The following IL27RA variants were observed in gnomAD, a reference collection of about 807,000 sequenced individuals.
IL27RA encodes the protein interleukin 27 receptor subunit alpha, also known as interleukin-27 receptor subunit alpha.
IL27RA carries 61 observed loss-of-function variants against 80.8 expected under a neutral mutation model. That is an observed-to-expected ratio of 0.76 (90% CI 0.61 to 0.93). The LOEUF (loss-of-function observed/expected upper bound fraction) is 0.93, where lower values mean the gene tolerates loss of function less well. Ranked by LOEUF, IL27RA falls within the 40% of genes least tolerant of loss-of-function variation. The pLI is 0.00. For missense variants in IL27RA, 735 were observed against 808.1 expected, an observed-to-expected ratio of 0.91 and a Z score of 1.10; for synonymous variants, 316 against 332.5, an observed-to-expected ratio of 0.95 and a Z score of 0.54.
chr19:14,033,822 G>A (rs532611423), intron 2 of IL27RA, among the ~76,000 whole-genome samples: 2 of 151,930 alleles, frequency 1.3e-5, no homozygotes, highest in Middle Eastern at 3.2e-3. Context: ...AAGATTAGCC[G>A]ATGTGGTGGT....
intron 6 of IL27RA, among the ~76,000 whole-genome samples, chr19:14,045,249 C>T (rs1396111535): frequency 6.7e-6 from 1 of 148,874 alleles, no homozygotes; most frequent in East Asian, 2.0e-4. Context: ...ATTGCACCAC[C>T]GCACTTCAGC....
Position 14,032,522 on chromosome 19 carries a change from C to A in IL27RA, c.218+19C>A. On this transcript the variant is annotated intron_variant, in intron 2 of 13. Coordinates refer to ENST00000263379, the MANE Select transcript of IL27RA (RefSeq NM_004843.4). ...AAAAGTAGTGAGTACAGGGAGGTGA[C>A]GTGGGGAAACAGGCTTTGGAGGTGG... 1 of 1,540,326 alleles carries A rather than the reference C, an allele frequency of 6.5e-7. No individual in the cohort carries two copies. The highest frequency in any genetic ancestry group is 9.0e-7 in the Non-Finnish European group (1 of 1,117,178).
rs1568504646 is a variant in IL27RA, at chr19:14,051,877, CA to C, written c.1623-2del. The C allele has an allele frequency of 6.3e-7, 1 of 1,576,020 alleles. No individual in the cohort carries two copies. The highest frequency in any genetic ancestry group is 1.1e-5 in the South Asian group (1 of 86,988). Reference sequence around the variant, plus strand: ...GCTGCCCTGACTACTCCTGTCTTGCCAGGTGCTACCACCTAAGGCACAAAGT... The same window carrying C: ...GCTGCCCTGACTACTCCTGTCTTGCCGGTGCTACCACCTAAGGCACAAAGT... On this transcript the variant is annotated splice_acceptor_variant, in intron 12 of 13. Coordinates refer to ENST00000263379, the MANE Select transcript of IL27RA (RefSeq NM_004843.4). LOFTEE classifies it high-confidence loss of function.
At chr19:14,039,106 G>A (rs972529531) in intron 2 of IL27RA, among the ~76,000 whole-genome samples, 1 of 151,880 alleles carries the variant, frequency 6.6e-6, no homozygotes, top group African/African-American at 2.4e-5. Flanking sequence ...CCAACATGGT[G>A]AAACCCCATC....
At chr19:14,032,549 C>T (rs770565892) in intron 2 of IL27RA, 46 bp downstream of exon 2, 7 of 1,269,274 alleles carry the variant, frequency 5.5e-6, no homozygotes, top group South Asian at 2.4e-5. Flanking sequence ...TGGAGGTGGC[C>T]GCTCAGGCCC....
At chr19:14,034,683 G>T (rs1975872203) in intron 2 of IL27RA, among the ~76,000 whole-genome samples, 1 of 145,780 alleles carries the variant, frequency 6.9e-6, no homozygotes, top group Non-Finnish European at 1.5e-5. Context: ...GCCGGGCGCG[G>T]TGGCTCAAGC....
intron 2 of IL27RA, among the ~76,000 whole-genome samples, chr19:14,035,693 CG>C (rs1028956211): frequency 4.5e-4 from 68 of 151,712 alleles, no homozygotes; most frequent in Non-Finnish European, 2.2e-4. Context: ...CTGAGCCTGG[CG>C]GGGGGCCTAG....
At chr19:14,045,526 G>A (rs1026808691) in intron 6 of IL27RA, among the ~76,000 whole-genome samples, 6 of 150,760 alleles carry the variant, frequency 4.0e-5, no homozygotes, top group Middle Eastern at 3.5e-3. Flanking sequence ...GCGTGAACCC[G>A]GGAGGCAGAG....
chr19:14,048,866 TAC>T (rs1976110733), intron 8 of IL27RA, 113 bp from the exon 9 acceptor site: 1 of 891,518 alleles, frequency 1.1e-6, no homozygotes, highest in Non-Finnish European at 1.8e-6. Context: ...ATAAATGACT[TAC>T]AGTCAGATCC....
rs533109463 is a variant in IL27RA, at chr19:14,052,197, C to T, written c.1818C>T (p.Thr606=). 1.3e-4 allele frequency: 208 copies of T among 1,608,594 alleles called. 2 individuals carry two copies. In the South Asian group the frequency reaches 2.1e-3, roughly 16 times the overall value. The part of the protein sequence containing the change: ...VMESSQPAQA[T]APLDSGYEKH... ...AGTCCTCCCAGCCCGCCCAGGCCAC[C>T]GCCCCGCTTGACTCTGGGTATGAGA... Residue 606 remains threonine, a synonymous_variant, in exon 14 of 14, where the codon ACC becomes ACT. Coordinates refer to ENST00000263379, the MANE Select transcript of IL27RA (RefSeq NM_004843.4).
chr19:14,040,392 A>T (rs894311286), intron 4 of IL27RA, among the ~76,000 whole-genome samples: 1 of 151,142 alleles, frequency 6.6e-6, no homozygotes, highest in Admixed American at 6.6e-5. Context: ...CTCCTGCCAA[A>T]ATAATCTATC....
intron 1 of IL27RA, 152 bp from the exon 2 acceptor site, chr19:14,032,234 G>A: frequency 1.4e-6 from 1 of 725,096 alleles, no homozygotes; most frequent in South Asian, 1.7e-5. Flanking sequence ...TTTGCACGGA[G>A]CCCGGGCAGG....
At chr19:14,047,656 CCT>C (rs1491091416) in intron 8 of IL27RA, among the ~76,000 whole-genome samples, 5 of 133,504 alleles carry the variant, frequency 3.7e-5, no homozygotes, top group African/African-American at 1.5e-4. Context: ...CATGCCTGGC[CCT>C]TTTTTTTTTT....
At position 14,039,671 on chromosome 19, in the gene IL27RA, G is replaced by A. The variant is rs770102258; in HGVS notation, c.376+6G>A. 5 of 1,612,642 alleles carry A rather than the reference G, an allele frequency of 3.1e-6. No homozygotes were observed. The highest frequency in any genetic ancestry group is 2.2e-5 in the East Asian group (1 of 44,848). On this transcript the variant is annotated splice_donor_region_variant and intron_variant, in intron 3 of 13. Transcript: ENST00000263379. ...CGTGAACCTAGAAACCCAAAGTAAC[G>A]TGGCAGGAGGGTGGGCGCTCTATGC...
At position 14,052,418 on chromosome 19, in the gene IL27RA, T is replaced by A; in HGVS notation, c.*128T>A. On this transcript the variant is annotated 3_prime_UTR_variant, in exon 14 of 14. Transcript: ENST00000263379. ...ACTCAGAGAGGCTGAGTCACTTACC[T>A]GAGGACACCCAGCCAGGCAGAGCTG... The A allele has an allele frequency of 1.4e-6, 1 of 724,410 alleles. No homozygotes were observed. Among genetic ancestry groups the A allele is most frequent in the Non-Finnish European group, 2.1e-6 (1 of 475,882 alleles). The allele number at this position is 724,410 out of a possible 1,614,324, so 44.9% of individuals were successfully genotyped here.
Position 14,042,705 on chromosome 19 carries a change from A to C in IL27RA, c.695-11A>C. 6.2e-7 allele frequency: 1 copy of C among 1,614,032 alleles called. No homozygotes were observed. Among genetic ancestry groups the C allele is most frequent in the Non-Finnish European group, 8.5e-7 (1 of 1,179,996 alleles). ...CCACTCATTTGTTCCCCGTTTCCTCATCCTTGCCAGCTCCAAAAGATGTGT... is the reference window on the plus strand; with the variant it reads ...CCACTCATTTGTTCCCCGTTTCCTCCTCCTTGCCAGCTCCAAAAGATGTGT... On this transcript the variant is annotated splice_polypyrimidine_tract_variant and intron_variant, in intron 5 of 13. Transcript: ENST00000263379.
chr19:14,051,418 G>A (rs899017979), intron 11 of IL27RA, among the ~76,000 whole-genome samples, 189 bp from the exon 12 acceptor site: 7 of 150,860 alleles, frequency 4.6e-5, no homozygotes, highest in Admixed American at 2.6e-4. Flanking sequence ...GGTGGCGTGC[G>A]GCTGTAATCC....
intron 2 of IL27RA, among the ~76,000 whole-genome samples, chr19:14,033,825 G>A (rs1040479767): frequency 6.6e-6 from 1 of 151,968 alleles, no homozygotes; most frequent in African/African-American, 2.4e-5. Context: ...ATTAGCCGAT[G>A]TGGTGGTGCA....
chr19:14,034,320 G>T (rs1975865831), intron 2 of IL27RA, among the ~76,000 whole-genome samples: 1 of 152,116 alleles, frequency 6.6e-6, no homozygotes, highest in South Asian at 2.1e-4. Context: ...AAGAATGGGA[G>T]ACAGAGGTCC....
Sources: gnomAD v4.1 joint callset for allele counts (sites outside exome capture counted in the v4.1 genomes callset) on GRCh38, gnomAD v4.1.1 for gene constraint, MANE v1.5 for transcripts, NCBI Gene and HGNC (gene_info 2026-07-23, HGNC 2026-07-21) for gene names.